PITPNA: variants seen among roughly 807,000 people sequenced by gnomAD.
PITPNA encodes the protein phosphatidylinositol transfer protein alpha, also known as phosphatidylinositol transfer protein alpha isoform.
A neutral mutation model predicts 50.3 loss-of-function variants in PITPNA; 13 were observed. That is an observed-to-expected ratio of 0.26 (90% CI 0.17 to 0.41). The LOEUF is 0.41. PITPNA is among the 10% of genes least tolerant of loss of function. PITPNA has a pLI of 1.00. For missense variants in PITPNA, 207 were observed against 333.4 expected (o/e 0.62, Z 2.95); for synonymous variants, 120 against 119.6 (o/e 1.00, Z -0.02).
chr17:1,536,514 C>G (rs1404909302), intron 7 of PITPNA, among the ~76,000 whole-genome samples: 1 of 152,094 alleles, frequency 6.6e-6, no homozygotes, highest in African/African-American at 2.4e-5. Context: ...TGGTCTCGAT[C>G]TCCTGACCTC....
chr17:1,558,226 G>A (rs1294998149), intron 2 of PITPNA, among the ~76,000 whole-genome samples: 2 of 83,660 alleles, frequency 2.4e-5, no homozygotes, highest in African/African-American at 4.9e-5. Flanking sequence ...GCAAGACTCC[G>A]TCTCAAAAAA....
At chr17:1,525,919 T>C (rs1010567929) in intron 10 of PITPNA, among the ~76,000 whole-genome samples, 5 of 152,184 alleles carry the variant, frequency 3.3e-5, no homozygotes, top group African/African-American at 7.2e-5. Flanking sequence ...TAACTATAAA[T>C]GTACAAGTCC....
At position 1,520,378 on chromosome 17, in the gene PITPNA, C is replaced by T. The variant is rs536073426; in HGVS notation, c.*183G>A. 2.6e-5 allele frequency: 4 copies of T among 152,538 alleles called. No homozygotes were observed. The East Asian group carries it at 5.8e-4, about 22-fold the overall frequency. 9.4% of individuals were successfully genotyped at this position (152,538 alleles called of 1,614,324 possible). A position where few individuals can be genotyped will look rare whatever the true frequency, so the allele number is the denominator to read the frequency against. On this transcript the variant is annotated 3_prime_UTR_variant, in exon 12 of 12. Coordinates refer to ENST00000313486, the MANE Select transcript of PITPNA (RefSeq NM_006224.4). ...CACACGCGGGCTCTGTGACACCAGACGGTCTATTTGTTCACAATACTGAAG... is the reference window on the plus strand; with the variant it reads ...CACACGCGGGCTCTGTGACACCAGATGGTCTATTTGTTCACAATACTGAAG...
chr17:1,528,573 C>A (rs1187366950), intron 10 of PITPNA, among the ~76,000 whole-genome samples: 1 of 151,982 alleles, frequency 6.6e-6, no homozygotes, highest in Admixed American at 6.6e-5. Context: ...ATATTGAGAT[C>A]TTGTCTCTAA....
chr17:1,523,027 C>T (rs1447508856), intron 10 of PITPNA, among the ~76,000 whole-genome samples: 2 of 152,126 alleles, frequency 1.3e-5, no homozygotes, highest in Admixed American at 6.6e-5. Context: ...GAACTAGGCA[C>T]AAGGATGCAG....
chr17:1,538,944 C>T lies in PITPNA; in HGVS notation c.381G>A (p.Lys127=), dbSNP rs1008886528. 1.2e-6 allele frequency: 2 copies of T among 1,612,612 alleles called. No individual in the cohort carries two copies. The highest frequency in any genetic ancestry group is 2.2e-5 in the East Asian group (1 of 44,878). Residue 127 remains lysine (K), a synonymous_variant, in exon 7 of 12, where the codon AAG becomes AAA. Transcript: ENST00000313486. ...PDLGTQENVH[K]LEPEAWKHVE... ...CGTGTTTCCACGCCTCAGGCTCCAG[C>T]TTATGCACCTGTGGGAACAAGTGGG...
At chr17:1,522,322 C>T (rs1355405564) in intron 10 of PITPNA, among the ~76,000 whole-genome samples, 5 of 151,750 alleles carry the variant, frequency 3.3e-5, no homozygotes, top group Non-Finnish European at 2.9e-5. Context: ...CCACCCGCCT[C>T]GGCCTCCCAA....
At chr17:1,550,866 C>A (rs530948084) in intron 3 of PITPNA, among the ~76,000 whole-genome samples, 4 of 152,298 alleles carry the variant, frequency 2.6e-5, no homozygotes, top group African/African-American at 7.2e-5. Flanking sequence ...TGAAGCGGTG[C>A]GGAGAACTGA....
chr17:1,561,747 C>T (rs1028179946), intron 1 of PITPNA, among the ~76,000 whole-genome samples: 2 of 152,174 alleles, frequency 1.3e-5, no homozygotes, highest in African/African-American at 4.8e-5. Flanking sequence ...TCCTCAGACC[C>T]TTCACCTGTC....
intron 7 of PITPNA, among the ~76,000 whole-genome samples, chr17:1,536,624 C>A (rs1283373047): frequency 6.6e-6 from 1 of 151,764 alleles, no homozygotes; most frequent in African/African-American, 2.4e-5. Context: ...GACAGCATCT[C>A]ACTCTGTTGG....
In PITPNA at chr17:1,562,581, C is replaced by T; in HGVS notation, c.-21G>A. 3 of 1,298,196 alleles carry T rather than the reference C, an allele frequency of 2.3e-6. No individual in the cohort carries two copies. The highest frequency in any genetic ancestry group is 3.0e-6 in the Non-Finnish European group (3 of 1,016,136). The allele number at this position is 1,298,196 out of a possible 1,614,324, so 80.4% of individuals were successfully genotyped here. A position where few individuals can be genotyped will look rare whatever the true frequency, so the allele number is the denominator to read the frequency against. The stretch of plus-strand genomic sequence containing the variant: ...ACCATGTCGCTTCGCGGCTCGGTGG[C>T]TGCCCGCGGCCCGCCCGGCCTCCCG... On this transcript the variant is annotated 5_prime_UTR_variant, in exon 1 of 12. Coordinates refer to ENST00000313486, the MANE Select transcript of PITPNA (RefSeq NM_006224.4). The surrounding 1 kb of genome is among the most constrained non-coding windows in gnomAD (Gnocchi z 6.4).
intron 4 of PITPNA, among the ~76,000 whole-genome samples, 184 bp downstream of exon 4, chr17:1,548,112 C>T (rs985962182): frequency 6.6e-6 from 1 of 152,206 alleles, no homozygotes; most frequent in African/African-American, 2.4e-5. Context: ...GCTCTCAGGC[C>T]GTGACGACCG....
chr17:1,546,397 C>T (rs2075674431), intron 4 of PITPNA, among the ~76,000 whole-genome samples: 1 of 152,156 alleles, frequency 6.6e-6, no homozygotes, highest in Admixed American at 6.5e-5. Context: ...GGTCCCTGAA[C>T]CTGTGTGGGG....
intron 10 of PITPNA, among the ~76,000 whole-genome samples, chr17:1,524,244 C>T (rs1218091678): frequency 6.7e-6 from 1 of 150,308 alleles, no homozygotes. Flanking sequence ...CGGGGTTTCA[C>T]CATGTTAGCC....
intron 10 of PITPNA, among the ~76,000 whole-genome samples, chr17:1,528,220 C>A (rs74441512): frequency 0.1 from 15,724 of 152,116 alleles, 928 homozygotes; most frequent in East Asian, 0.14. Context: ...GGCTCACTAC[C>A]ATTTCTGCCT....
At chr17:1,527,968 G>C (rs2075557983) in intron 10 of PITPNA, among the ~76,000 whole-genome samples, 2 of 152,204 alleles carry the variant, frequency 1.3e-5, no homozygotes, top group African/African-American at 4.8e-5. Flanking sequence ...GATCACTTGT[G>C]GCTGGGAGTT....
At chr17:1,545,906 C>A in intron 4 of PITPNA, among the ~76,000 whole-genome samples, 1 of 146,328 alleles carries the variant, frequency 6.8e-6, no homozygotes, top group Middle Eastern at 3.6e-3. Flanking sequence ...CCCAGCCACA[C>A]TGCATACTGC....
chr17:1,548,758 C>T (rs998784904), intron 3 of PITPNA, among the ~76,000 whole-genome samples: 1 of 152,194 alleles, frequency 6.6e-6, no homozygotes, highest in African/African-American at 2.4e-5. Context: ...GAACCAGTCT[C>T]GGTTTAGGGC....
chr17:1,543,008 G>A lies in PITPNA; in HGVS notation c.297+12C>T. 6.3e-7 allele frequency: 1 copy of A among 1,582,176 alleles called. No homozygotes were observed. Among genetic ancestry groups the A allele is most frequent in the South Asian group, 1.1e-5 (1 of 89,786 alleles). On this transcript the variant is annotated intron_variant, in intron 5 of 11. Coordinates refer to ENST00000313486, the MANE Select transcript of PITPNA (RefSeq NM_006224.4). Reference sequence around the variant, plus strand: ...CATCATCTACAGTTCCAACCCCCTTGACAATACTTACTGTAATAACTGCTC... The same window carrying A: ...CATCATCTACAGTTCCAACCCCCTTAACAATACTTACTGTAATAACTGCTC...
Sources: gnomAD v4.1 joint callset for allele counts (sites outside exome capture counted in the v4.1 genomes callset) on GRCh38, gnomAD v4.1.1 for gene constraint, Gnocchi (gnomAD v3.1) non-coding constraint, MANE v1.5 for transcripts, NCBI Gene and HGNC (gene_info 2026-07-23, HGNC 2026-07-21) for gene names.